Variants in NXPH2 observed in about 807,000 individuals in gnomAD.
NXPH2 encodes neurexophilin 2.
A neutral mutation model predicts 19.8 loss-of-function variants in NXPH2; 5 were observed. The observed-to-expected ratio is 0.25, with a 90% CI of 0.13 to 0.53. NXPH2 has a LOEUF of 0.53. Among genes scored for constraint, NXPH2 ranks in the 20% least tolerant of loss-of-function variants. The pLI is 0.96. For missense variants in NXPH2, 289 were observed against 322.8 expected, an observed-to-expected ratio of 0.90 and a Z score of 0.80; for synonymous variants, 154 against 127.4, an observed-to-expected ratio of 1.21 and a Z score of -1.41.
intron 1 of NXPH2, among the ~76,000 whole-genome samples, chr2:138,724,680 GAT>G (rs772331909): frequency 3.9e-5 from 6 of 152,352 alleles, no homozygotes; most frequent in Admixed American, 2.6e-4. Flanking sequence ...GTGCAAAGGA[GAT>G]GTGGCGAAAC....
chr2:138,780,035 C>A (rs974626876), intron 1 of NXPH2, among the ~76,000 whole-genome samples, 156 bp downstream of exon 1: 2 of 152,176 alleles, frequency 1.3e-5, no homozygotes, highest in African/African-American at 4.8e-5. Flanking sequence ...TCTTCCCTTT[C>A]GACCTCTAAG....
intron 1 of NXPH2, among the ~76,000 whole-genome samples, chr2:138,690,067 C>G (rs1233143875): frequency 1.3e-5 from 2 of 152,136 alleles, no homozygotes; most frequent in Admixed American, 1.3e-4. Flanking sequence ...ATAATAAGGT[C>G]ATTTGTGCTG....
intron 1 of NXPH2, among the ~76,000 whole-genome samples, chr2:138,733,704 G>A (rs1177550259): frequency 6.6e-6 from 1 of 152,108 alleles, no homozygotes; most frequent in Admixed American, 6.6e-5. Flanking sequence ...TATAAGTACA[G>A]ACTATAGGTG....
chr2:138,714,562 G>A (rs755494311), intron 1 of NXPH2, among the ~76,000 whole-genome samples: 1 of 152,036 alleles, frequency 6.6e-6, no homozygotes, highest in Non-Finnish European at 1.5e-5. Context: ...ACAGAGACAG[G>A]AAGCAGGCAG....
chr2:138,714,843 A>T (rs947136488), intron 1 of NXPH2, among the ~76,000 whole-genome samples: 2 of 152,260 alleles, frequency 1.3e-5, no homozygotes, highest in African/African-American at 2.4e-5. Context: ...CATGTCAAAT[A>T]ATATAACATA....
At chr2:138,774,541 T>C (rs1273288982) in intron 1 of NXPH2, among the ~76,000 whole-genome samples, 2 of 152,228 alleles carry the variant, frequency 1.3e-5, no homozygotes. Flanking sequence ...TGTTACAACA[T>C]ATTAAAAAAG....
intron 1 of NXPH2, among the ~76,000 whole-genome samples, chr2:138,709,146 A>G (rs573331852): frequency 6.6e-6 from 1 of 152,162 alleles, no homozygotes; most frequent in East Asian, 1.9e-4. Flanking sequence ...TGACTCTGAG[A>G]GTCGCTGGGG....
In NXPH2 at chr2:138,707,444, TG is replaced by T. The variant is rs539011245; in HGVS notation, c.52-35780del. 7.2e-5 allele frequency among the ~76,000 whole-genome samples: 11 copies of T among 152,166 alleles called. No individual in the cohort carries two copies. The South Asian group carries it at 1.9e-3, about 26-fold the overall frequency. The stretch of plus-strand genomic sequence containing the variant: ...TTTATGAATCACTTGTGGCCTGATC[TG>T]GGGGGGAGAAAAGCTTCTACTACAC... On this transcript the variant is annotated intron_variant, in intron 1 of 1. Transcript: ENST00000272641.
chr2:138,732,277 C>G (rs901717521), intron 1 of NXPH2, among the ~76,000 whole-genome samples: 1 of 152,150 alleles, frequency 6.6e-6, no homozygotes, highest in African/African-American at 2.4e-5. Context: ...GTAGAGAAAA[C>G]TGGCCTATGG....
chr2:138,725,333 T>A (rs191484957), intron 1 of NXPH2, among the ~76,000 whole-genome samples: 1 of 152,336 alleles, frequency 6.6e-6, no homozygotes, highest in African/African-American at 2.4e-5. Flanking sequence ...GACAAACTCA[T>A]ACATTTATCT....
intron 1 of NXPH2, among the ~76,000 whole-genome samples, chr2:138,714,728 T>A (rs2104989962): frequency 6.6e-6 from 1 of 152,352 alleles, no homozygotes; most frequent in African/African-American, 2.4e-5. Flanking sequence ...TATATCCTTA[T>A]ACCAAATTAT....
At chr2:138,767,214 G>A (rs17658044) in intron 1 of NXPH2, among the ~76,000 whole-genome samples, 9,172 of 152,260 alleles carry the variant, frequency 0.06, 366 homozygotes, top group Middle Eastern at 0.12. Context: ...CTGATATAAC[G>A]TCAGTGGAAC....
intron 1 of NXPH2, among the ~76,000 whole-genome samples, chr2:138,735,844 C>T (rs1201183844): frequency 6.6e-6 from 1 of 152,238 alleles, no homozygotes; most frequent in Non-Finnish European, 1.5e-5. Context: ...TGGGTAGATA[C>T]AGCCATTCCA....
At chr2:138,698,082 C>T (rs932030266) in intron 1 of NXPH2, among the ~76,000 whole-genome samples, 4 of 151,958 alleles carry the variant, frequency 2.6e-5, no homozygotes, top group Non-Finnish European at 5.9e-5. Flanking sequence ...GAAATTTTTC[C>T]TCAATATCAA....
At chr2:138,780,119 C>A in intron 1 of NXPH2, 72 bp downstream of exon 1, 1 of 1,413,938 alleles carries the variant, frequency 7.1e-7, no homozygotes, top group South Asian at 1.4e-5. Flanking sequence ...GGCTCCAAGT[C>A]AGCCGCCTGC....
intron 1 of NXPH2, among the ~76,000 whole-genome samples, chr2:138,730,909 C>T (rs937814887): frequency 3.3e-5 from 5 of 152,146 alleles, no homozygotes; most frequent in South Asian, 4.2e-4. Context: ...AACACCATCT[C>T]GGGTCTTCAC....
chr2:138,703,534 G>A (rs774071044), intron 1 of NXPH2, among the ~76,000 whole-genome samples: 1 of 152,172 alleles, frequency 6.6e-6, no homozygotes, highest in Non-Finnish European at 1.5e-5. Flanking sequence ...CAGCAACCCA[G>A]TAGGCATTGG....
rs1201296922 is a variant in NXPH2, at chr2:138,669,528, T to A, written c.*1394A>T. ...TTTTTGAACAGTGTGGTAAGAGTAT[T>A]TCTTGTTGTTTAGGACTTCTCTTCC... On this transcript the variant is annotated 3_prime_UTR_variant, in exon 2 of 2. Transcript: ENST00000272641. 1.3e-5 allele frequency among the ~76,000 whole-genome samples: 2 copies of A among 152,166 alleles called. No homozygotes were observed. Among genetic ancestry groups the A allele is most frequent in the African/African-American group, 4.8e-5 (2 of 41,440 alleles).
chr2:138,697,685 A>G (rs554057932), intron 1 of NXPH2, among the ~76,000 whole-genome samples: 1 of 151,808 alleles, frequency 6.6e-6, no homozygotes, highest in African/African-American at 2.4e-5. Flanking sequence ...TTTCATTTTC[A>G]GATTAAACAC....
Sources: allele counts gnomAD v4.1 joint callset (sites outside exome capture counted in the v4.1 genomes callset), GRCh38; gene constraint gnomAD v4.1.1; transcripts MANE v1.5; gene names NCBI Gene and HGNC (gene_info 2026-07-23, HGNC 2026-07-21).